PTPN22: variants seen among roughly 807,000 people sequenced by gnomAD.
PTPN22 encodes protein tyrosine phosphatase non-receptor type 22, also known as tyrosine-protein phosphatase non-receptor type 22.
PTPN22 carries 85 observed loss-of-function variants against 103.3 expected under a neutral mutation model. That is an observed-to-expected ratio of 0.82 (90% confidence interval 0.69 to 0.99). The LOEUF (loss-of-function observed/expected upper bound fraction) is 0.99. Ranked by LOEUF, PTPN22 falls within the 50% of genes least tolerant of loss-of-function variation. The pLI is 0.00. For synonymous variants in PTPN22, 323 were observed against 310.2 expected (o/e 1.04, Z -0.43); for missense variants, 865 against 936.9 (o/e 0.92, Z 1.00).
chr1:113,849,477 A>C (rs1460826313), intron 10 of PTPN22, among the ~76,000 whole-genome samples: 1 of 152,222 alleles, frequency 6.6e-6, no homozygotes, highest in African/African-American at 2.4e-5. Context: ...GACACTTTAC[A>C]CATTTCTGTA....
At chr1:113,837,875 T>C in exon 13 of PTPN22, 1 of 1,614,152 alleles carries the variant, frequency 6.2e-7, no homozygotes, top group Non-Finnish European at 8.5e-7. Flanking sequence ...GCATTACGTA[T>C]TTGGTGTTTA....
chr1:113,834,584 G>GCAAGACCCT, intron 14 of PTPN22, 145 bp from the exon 15 acceptor site: 1 of 947,390 alleles, frequency 1.1e-6, no homozygotes, highest in Non-Finnish European at 1.6e-6. Context: ...TTTGAGACAG[G>GCAAGACCCT]GTCTTGCTCT....
exon 13 of PTPN22, chr1:113,838,238 C>T: frequency 6.2e-7 from 1 of 1,614,024 alleles, no homozygotes; most frequent in Non-Finnish European, 8.5e-7. Context: ...GCATTTTTGT[C>T]AAAACTGTAA....
chr1:113,829,219 A>AT lies in PTPN22; in HGVS notation c.2250+372dup, dbSNP rs10712384. On this transcript the variant is annotated intron_variant, in intron 18 of 20. Transcript: ENST00000359785. ...ATAAATCAACCTTAGGGAGAAGTGG[A>AT]TTTTTTTTTTCTTCATTTATTTTTA... 12 of 147,796 alleles carry AT rather than the reference A, an allele frequency of 8.1e-5. No individual in the cohort carries two copies. The South Asian group carries it at 1.3e-3, about 16-fold the overall frequency. The allele number at this position is 147,796 out of a possible 1,614,324, so 9.2% of individuals were successfully genotyped here. A position where few individuals can be genotyped will look rare whatever the true frequency, so the allele number is the denominator to read the frequency against.
chr1:113,871,044 A>G (rs1417977142), intron 1 of PTPN22, among the ~76,000 whole-genome samples: 1 of 152,116 alleles, frequency 6.6e-6, no homozygotes, highest in Non-Finnish European at 1.5e-5. Context: ...TAAAAAAACA[A>G]ACAACAACAA....
At chr1:113,832,348 C>T (rs947659365) in intron 16 of PTPN22, among the ~76,000 whole-genome samples, 1 of 152,110 alleles carries the variant, frequency 6.6e-6, no homozygotes, top group African/African-American at 2.4e-5. Flanking sequence ...CCACCACGCC[C>T]AGCTAATTTT....
intron 5 of PTPN22, 63 bp downstream of exon 5, chr1:113,857,675 T>C (rs1232127894): frequency 5.3e-6 from 8 of 1,496,832 alleles, no homozygotes; most frequent in Middle Eastern, 1.7e-4. Flanking sequence ...CTGCTGCCAA[T>C]TTCCCTCTCC....
At chr1:113,827,658 A>G (rs1444283130) in intron 18 of PTPN22, among the ~76,000 whole-genome samples, 1 of 152,100 alleles carries the variant, frequency 6.6e-6, no homozygotes, top group Admixed American at 6.5e-5. Flanking sequence ...ATGTCATTTC[A>G]TGTGTATGCA....
chr1:113,848,579 T>C, exon 11 of PTPN22: 1 of 1,613,656 alleles, frequency 6.2e-7, no homozygotes. Context: ...CATCCATCTG[T>C]CTCTTAAATA....
chr1:113,824,060 AT>A (rs1228043981), intron 19 of PTPN22, among the ~76,000 whole-genome samples: 1 of 151,628 alleles, frequency 6.6e-6, no homozygotes, highest in Non-Finnish European at 1.5e-5. Flanking sequence ...TCTTTCACTG[AT>A]TAACCAAATG....
intron 20 of PTPN22, chr1:113,815,546 G>A (rs1393063752): frequency 6.6e-6 from 1 of 152,158 alleles, no homozygotes; most frequent in African/African-American, 2.4e-5. Context: ...AGGAGGATGA[G>A]AAAATTTTTC....
chr1:113,858,851 C>G, intron 3 of PTPN22, 151 bp downstream of exon 3: 1 of 1,329,724 alleles, frequency 7.5e-7, no homozygotes, highest in Non-Finnish European at 1.0e-6. Context: ...GTTGCCCAGG[C>G]TGGTCTGAAA....
At chr1:113,864,323 A>C in intron 1 of PTPN22, 2 of 441,816 alleles carry the variant, frequency 4.5e-6, no homozygotes, top group South Asian at 3.2e-5. Flanking sequence ...CCAGGAAGTC[A>C]AGTCTGCAGT....
chr1:113,833,132 T>C, exon 16 of PTPN22: 1 of 1,564,878 alleles, frequency 6.4e-7, no homozygotes, highest in Non-Finnish European at 8.8e-7. Flanking sequence ...CTTCGGAGTT[T>C]TACACTCTAA....
rs112737071 is a variant in PTPN22 at position 113,845,206 on chromosome 1, T to G, written c.915+3334A>C. Among the ~76,000 whole-genome samples the G allele has an allele frequency of 3.5e-3, 518 of 148,124 alleles. 2 individuals carry two copies. Among genetic ancestry groups the G allele is most frequent in the South Asian group, 7.3e-3 (35 of 4,770 alleles). Reference sequence around the variant, plus strand: ...TTGTTTTGTTTTTGTTTTTGTTTTTTTTTTTTTTGAGACAGAGTCTCGCTT... The same window carrying G: ...TTGTTTTGTTTTTGTTTTTGTTTTTGTTTTTTTTGAGACAGAGTCTCGCTT... On this transcript the variant is annotated intron_variant, in intron 11 of 20. Transcript: ENST00000359785.
chr1:113,850,217 GAA>G (rs1664450178), intron 10 of PTPN22, among the ~76,000 whole-genome samples: 1 of 110,706 alleles, frequency 9.0e-6, no homozygotes, highest in Non-Finnish European at 1.8e-5. Context: ...AGGAAGGAAG[GAA>G]GGAAGGAAGG....
intron 13 of PTPN22, among the ~76,000 whole-genome samples, chr1:113,836,453 G>A (rs1439767336): frequency 1.3e-5 from 2 of 152,100 alleles, no homozygotes; most frequent in East Asian, 1.9e-4. Flanking sequence ...TGTCATCTAC[G>A]AGATTACTAC....
At chr1:113,820,313 C>T (rs1238323094) in intron 19 of PTPN22, among the ~76,000 whole-genome samples, 5 of 151,904 alleles carry the variant, frequency 3.3e-5, no homozygotes, top group South Asian at 2.1e-4. Flanking sequence ...AAAAAATTAG[C>T]GAGGCATGGT....
intron 1 of PTPN22, among the ~76,000 whole-genome samples, chr1:113,862,161 A>G (rs888826583): frequency 2.6e-5 from 4 of 152,122 alleles, no homozygotes; most frequent in Admixed American, 2.6e-4. Flanking sequence ...AGACCCCTGT[A>G]ATCCCAGCTA....
Sources: allele counts gnomAD v4.1 joint callset (sites outside exome capture counted in the v4.1 genomes callset), GRCh38; gene constraint gnomAD v4.1.1; transcripts MANE v1.5; gene names NCBI Gene and HGNC (gene_info 2026-07-23, HGNC 2026-07-21).